WDR17: variants seen among roughly 807,000 people sequenced by gnomAD.
WDR17 encodes the protein WD repeat-containing protein 17.
Under a neutral mutation model 161.7 loss-of-function variants are expected in WDR17, and 143 were observed. The observed-to-expected ratio is 0.88, with a 90% confidence interval of 0.77 to 1.02. WDR17 has a LOEUF of 1.02. WDR17 is among the 50% of genes least tolerant of loss of function. WDR17 has a pLI of 0.00. For synonymous variants in WDR17, 517 were observed against 515.6 expected (o/e 1.00, Z -0.04); for missense variants, 1,469 against 1,520.9 (o/e 0.97, Z 0.57).
At chr4:176,112,676 C>T (rs1484286385) in intron 2 of WDR17, among the ~76,000 whole-genome samples, 1 of 150,316 alleles carries the variant, frequency 6.7e-6, no homozygotes, top group Non-Finnish European at 1.5e-5. Context: ...ATTCTATTTT[C>T]CCCTCTTTCT....
chr4:176,161,526 TC>T (rs752261566), intron 20 of WDR17, among the ~76,000 whole-genome samples: 1 of 152,064 alleles, frequency 6.6e-6, no homozygotes, highest in Non-Finnish European at 1.5e-5. Flanking sequence ...TAGTCTGCCT[TC>T]CCCCATCCTT....
chr4:176,164,698 T>C (rs1281203665), intron 22 of WDR17, among the ~76,000 whole-genome samples: 3 of 152,222 alleles, frequency 2.0e-5, no homozygotes, highest in Admixed American at 2.0e-4. Flanking sequence ...TCTTCTTTTT[T>C]GTCTGAATCT....
chr4:176,096,890 T>C (rs1736969809), intron 1 of WDR17, among the ~76,000 whole-genome samples: 1 of 151,626 alleles, frequency 6.6e-6, no homozygotes, highest in African/African-American at 2.4e-5. Context: ...TATATGAAAA[T>C]AGCAACAATT....
At chr4:176,110,528 T>C (rs1180476413) in intron 1 of WDR17, among the ~76,000 whole-genome samples, 1 of 152,176 alleles carries the variant, frequency 6.6e-6, no homozygotes, top group African/African-American at 2.4e-5. Flanking sequence ...AATTTCTTTT[T>C]GAATGTCATT....
Position 176,108,843 on chromosome 4 carries a change from G to A in WDR17, c.-6-2732G>A, listed in dbSNP as rs138199829. Among the ~76,000 whole-genome samples, 79 of 152,280 alleles carry A rather than the reference G, an allele frequency of 5.2e-4. 1 individual carries two copies. The highest frequency in any genetic ancestry group is 1.8e-3 in the African/African-American group (76 of 41,546). ...CTTGCTGTGTCTCCCAGGCTAGAGT[G>A]CAGTGGCATGATCACAGTTCACTGC... On this transcript the variant is annotated intron_variant, in intron 1 of 28. Transcript: ENST00000508596.
chr4:176,182,319 T>G lies in WDR17; in HGVS notation c.*2740T>G, dbSNP rs1309086192. The G allele has an allele frequency of 6.6e-6, 1 of 151,792 alleles. No individual in the cohort carries two copies. 9.4% of individuals were successfully genotyped at this position (151,792 alleles called of 1,614,324 possible). ...TACATCTTGTGAAAATATATGATTT[T>G]TATGTCAATCAAGACAAATGAAATA... On this transcript the variant is annotated 3_prime_UTR_variant, in exon 29 of 29. Coordinates refer to ENST00000508596, the MANE Select transcript of WDR17 (RefSeq NM_181265.4). This position sits in a 1 kb window ranked among gnomAD's most constrained non-coding sequence, Gnocchi z 4.2.
At chr4:176,119,512 A>G (rs1741199822) in intron 3 of WDR17, among the ~76,000 whole-genome samples, 1 of 152,206 alleles carries the variant, frequency 6.6e-6, no homozygotes, top group Non-Finnish European at 1.5e-5. Flanking sequence ...TACCTTGTAT[A>G]CCTAGAATGC....
chr4:176,158,989 C>G (rs1748581853), intron 18 of WDR17, among the ~76,000 whole-genome samples: 1 of 152,134 alleles, frequency 6.6e-6, no homozygotes, highest in South Asian at 2.1e-4. Context: ...ATAGTAAAAA[C>G]ATAGCTGTTG....
Position 176,125,272 on chromosome 4 carries a change from C to T in WDR17, c.707C>T (p.Thr236Ile), listed in dbSNP as rs1486921772. 3 of 1,613,998 alleles carry T rather than the reference C, an allele frequency of 1.9e-6. No individual in the cohort carries two copies. Among genetic ancestry groups the T allele is most frequent in the African/African-American group, 2.7e-5 (2 of 74,920 alleles). The part of the protein sequence containing the change: ...LVDSESLSCI[T>I]TFNLPSAAAS... ...GATTCTGAATCACTTTCTTGCATAA[C>T]AACATTTAATCTTCCCAGTGCAGCA... is the stretch of plus-strand genomic sequence containing the variant. Residue 236 changes from threonine to isoleucine, a missense_variant, in exon 5 of 29, where the codon ACA (threonine) becomes ATA (isoleucine). Transcript: ENST00000508596.
At position 176,139,936 on chromosome 4, in the gene WDR17, T is replaced by C; in HGVS notation, c.1404T>C (p.Asp468=). The change falls in exon 10 of 29, where the codon GAT becomes GAC. Residue 468 remains aspartate (D), a synonymous_variant. Transcript: ENST00000508596. ...TCTGCATTGCCTGGAGTCATAAAGA[T>C]TCTAAAAGAATAGCAACCTGCAGCA... ...GIFCIAWSHK[D]SKRIATCSSD... is the part of the protein sequence containing the mutation. 6.2e-7 allele frequency: 1 copy of C among 1,612,196 alleles called. No homozygotes were observed. Among genetic ancestry groups the C allele is most frequent in the Non-Finnish European group, 8.5e-7 (1 of 1,178,846 alleles).
intron 20 of WDR17, among the ~76,000 whole-genome samples, chr4:176,161,793 C>G (rs982687011): frequency 1.1e-4 from 16 of 152,140 alleles, no homozygotes; most frequent in African/African-American, 3.9e-4. Flanking sequence ...CGCTTAACTT[C>G]CCCTGTGGCT....
intron 9 of WDR17, among the ~76,000 whole-genome samples, chr4:176,139,217 A>G (rs1169700751): frequency 6.6e-6 from 1 of 151,882 alleles, no homozygotes; most frequent in East Asian, 1.9e-4. Flanking sequence ...TTTTAATTAA[A>G]ATTTAGAAAT....
At chr4:176,097,070 C>A (rs988047758) in intron 1 of WDR17, among the ~76,000 whole-genome samples, 31 of 151,954 alleles carry the variant, frequency 2.0e-4, no homozygotes, top group African/African-American at 7.2e-4. Flanking sequence ...TGTTTGAAAA[C>A]AAACTGCATT....
chr4:176,104,534 T>C (rs1310682923), intron 1 of WDR17, among the ~76,000 whole-genome samples: 1 of 152,030 alleles, frequency 6.6e-6, no homozygotes, highest in Non-Finnish European at 1.5e-5. Context: ...AATAATTAAT[T>C]AGTTTGTGTT....
chr4:176,085,555 G>A (rs757405640), intron 1 of WDR17, among the ~76,000 whole-genome samples: 1 of 152,022 alleles, frequency 6.6e-6, no homozygotes, highest in Non-Finnish European at 1.5e-5. Flanking sequence ...TGAAGAATGT[G>A]TCCATTCATC....
intron 17 of WDR17, among the ~76,000 whole-genome samples, chr4:176,152,513 G>A (rs965170199): frequency 9.8e-5 from 14 of 143,040 alleles, no homozygotes; most frequent in Admixed American, 8.1e-4. Context: ...GGCTGAGGCA[G>A]GGGAATTGCC....
Position 176,088,092 on chromosome 4 carries a change from C to G in WDR17, c.-7+22013C>G, listed in dbSNP as rs1054106776. Among the ~76,000 whole-genome samples the G allele has an allele frequency of 1.9e-4, 29 of 152,176 alleles. 1 individual carries two copies. The highest frequency in any genetic ancestry group is 1.8e-3 in the Admixed American group (27 of 15,272). On this transcript the variant is annotated intron_variant, in intron 1 of 28. Transcript: ENST00000508596. Reference sequence around the variant, plus strand: ...CTCTTGGCCTCAAGTGATCTGCCCTCCTTGGCTTCCCAAAGTGCTGCGATT... The same window carrying G: ...CTCTTGGCCTCAAGTGATCTGCCCTGCTTGGCTTCCCAAAGTGCTGCGATT...
At chr4:176,088,800 G>C (rs1359071112) in intron 1 of WDR17, among the ~76,000 whole-genome samples, 1 of 152,072 alleles carries the variant, frequency 6.6e-6, no homozygotes, top group Non-Finnish European at 1.5e-5. Flanking sequence ...CCTGTCCCAT[G>C]ATGGGGATTA....
chr4:176,164,929 A>T (rs1199147075), intron 22 of WDR17, among the ~76,000 whole-genome samples: 1 of 152,144 alleles, frequency 6.6e-6, no homozygotes, highest in East Asian at 1.9e-4. Flanking sequence ...TTCGTCTCAA[A>T]GCATGAAGCC....
Sources: gnomAD v4.1 joint callset for allele counts (sites outside exome capture counted in the v4.1 genomes callset) on GRCh38, gnomAD v4.1.1 for gene constraint, Gnocchi (gnomAD v3.1) non-coding constraint, MANE v1.5 for transcripts, NCBI Gene and HGNC (gene_info 2026-07-23, HGNC 2026-07-21) for gene names.